UBIAD1: variants seen among roughly 807,000 people sequenced by gnomAD.
The protein encoded by UBIAD1 is ubiA prenyltransferase domain-containing protein 1.
UBIAD1 carries 12 observed loss-of-function variants against 20.1 expected under a neutral mutation model. The ratio of observed to expected loss-of-function variants is 0.60; its 90% CI spans 0.38 to 0.97. UBIAD1 has a LOEUF of 0.97. Ranked by LOEUF, UBIAD1 falls within the 50% of genes least tolerant of loss-of-function variation. The pLI is 0.00. For synonymous variants in UBIAD1, 207 were observed against 189.2 expected (o/e 1.09, Z -0.77); for missense variants, 333 against 419.5 (o/e 0.79, Z 1.80).
At chr1:11,295,211 A>G (rs572332619), downstream of UBIAD1, 29 of 401,398 alleles carry the variant, frequency 7.2e-5, no homozygotes, top group South Asian at 9.6e-4. Context: ...TTCCAGGAAG[A>G]GGTGACAATG....
chr1:11,273,551 T>G lies in UBIAD1; in HGVS notation c.20T>G (p.Leu7Arg), dbSNP rs985341654. 4 of 1,612,666 alleles carry G rather than the reference T, an allele frequency of 2.5e-6. No homozygotes were observed. Among genetic ancestry groups the G allele is most frequent in the Non-Finnish European group, 2.5e-6 (3 of 1,180,026 alleles). The change falls in exon 1 of 2, where the codon CTG becomes CGG. Residue 7 changes from leucine (L) to arginine (R), a missense_variant. Physicochemically the swap from Leu to Arg is moderately radical, Grantham distance 102. Coordinates refer to ENST00000376810, the MANE Select transcript of UBIAD1 (RefSeq NM_013319.3). The surrounding 1 kb of genome is among the most constrained non-coding windows in gnomAD (Gnocchi z 4.9). MAASQV[L>R]GEKINILSGE... ...GCTTCCATGGCGGCCTCTCAGGTCCTGGGGGAGAAGATTAACATCCTGTCG... is the reference window on the plus strand; with the variant it reads ...GCTTCCATGGCGGCCTCTCAGGTCCGGGGGGAGAAGATTAACATCCTGTCG...
Position 11,283,270 on chromosome 1 carries a change from G to A in UBIAD1, c.530-2374G>A, listed in dbSNP as rs141851165. Among the ~76,000 whole-genome samples the A allele has an allele frequency of 3.1e-3, 468 of 152,314 alleles. 3 individuals carry two copies. Among genetic ancestry groups the A allele is most frequent in the African/African-American group, 0.01 (428 of 41,568 alleles). ...TTTCTTTCACAGCCAGACCAGTGGC[G>A]TCACTTGGGGAGCTGAGAAAACAAG... On this transcript the variant is annotated intron_variant, in intron 1 of 1. Transcript: ENST00000376810.
chr1:11,280,069 C>G (rs762131645), intron 1 of UBIAD1, among the ~76,000 whole-genome samples: 1 of 152,128 alleles, frequency 6.6e-6, no homozygotes, highest in African/African-American at 2.4e-5. Context: ...ATAGAAAGTA[C>G]AAGGTGGTGG....
chr1:11,274,931 ATTTT>A (rs139319809), intron 1 of UBIAD1, among the ~76,000 whole-genome samples: 1 of 146,840 alleles, frequency 6.8e-6, no homozygotes, highest in African/African-American at 2.5e-5. Context: ...TTTCTGTCTC[ATTTT>A]TTTTTTTAAT....
downstream of UBIAD1, chr1:11,292,087 T>G (rs1638375993): frequency 6.6e-6 from 1 of 152,062 alleles, no homozygotes; most frequent in Non-Finnish European, 1.5e-5. Context: ...CGCTGCAACC[T>G]CTGCCTCCAG....
At chr1:11,291,377 G>A (rs1241840266), downstream of UBIAD1, among the ~76,000 whole-genome samples, 1 of 152,138 alleles carries the variant, frequency 6.6e-6, no homozygotes, top group African/African-American at 2.4e-5. Flanking sequence ...GGAGGTCAAG[G>A]TGGGTGGATC....
intron 1 of UBIAD1, 55 bp downstream of exon 1, chr1:11,274,115 C>T: frequency 6.2e-7 from 1 of 1,605,516 alleles, no homozygotes; most frequent in Non-Finnish European, 8.5e-7. Context: ...CACTGGAAAC[C>T]GCTGCTTTGT....
chr1:11,281,736 C>A (rs949216151), intron 1 of UBIAD1, among the ~76,000 whole-genome samples: 1 of 152,190 alleles, frequency 6.6e-6, no homozygotes, highest in Non-Finnish European at 1.5e-5. Context: ...CTCCCTGCCC[C>A]CATCCAGAGA....
In UBIAD1 at chr1:11,286,377, G is replaced by A. The variant is rs970185482; in HGVS notation, c.*246G>A. ...AAGGTGAATTAGGCGCATGGTCTTT[G>A]TTTTATTAATAATTTCCACTAGAGG... is the stretch of plus-strand genomic sequence containing the variant. On this transcript the variant is annotated 3_prime_UTR_variant, in exon 2 of 2. Transcript: ENST00000376810. The A allele has an allele frequency of 3.6e-6, 2 of 551,612 alleles. No individual in the cohort carries two copies. The highest frequency in any genetic ancestry group is 6.4e-6 in the Non-Finnish European group (2 of 314,768). The allele number at this position is 551,612 out of a possible 1,614,324, so 34.2% of individuals were successfully genotyped here.
chr1:11,282,166 CTG>C (rs1449704827), intron 1 of UBIAD1, among the ~76,000 whole-genome samples: 3 of 152,302 alleles, frequency 2.0e-5, no homozygotes, highest in African/African-American at 7.2e-5. Context: ...AACTGCCAAA[CTG>C]TTTTCTGAAG....
downstream of UBIAD1, among the ~76,000 whole-genome samples, chr1:11,298,173 GTC>G (rs1375354011): frequency 6.6e-6 from 1 of 151,954 alleles, no homozygotes; most frequent in East Asian, 2.0e-4. This position sits in a 1 kb window ranked among gnomAD's most constrained non-coding sequence, Gnocchi z 4.0. Context: ...GGTCAGGCTG[GTC>G]TCAAACTCCT....
intron 1 of UBIAD1, among the ~76,000 whole-genome samples, chr1:11,279,610 T>A (rs1473607067): frequency 1.3e-5 from 2 of 152,142 alleles, no homozygotes. Flanking sequence ...GAGACGGTGT[T>A]TCACCATGTT....
intron 1 of UBIAD1, among the ~76,000 whole-genome samples, chr1:11,274,457 C>A (rs1557514578): frequency 6.6e-6 from 1 of 151,958 alleles, no homozygotes; most frequent in Non-Finnish European, 1.5e-5. Context: ...CGCCACCACG[C>A]CTGGCTGATT....
chr1:11,280,777 G>A (rs1307185375), intron 1 of UBIAD1, among the ~76,000 whole-genome samples: 1 of 152,120 alleles, frequency 6.6e-6, no homozygotes, highest in Non-Finnish European at 1.5e-5. Context: ...TCTGTCCCTG[G>A]ATTTTTGCGG....
At chr1:11,291,732 T>C (rs1271821862), downstream of UBIAD1, among the ~76,000 whole-genome samples, 5 of 152,112 alleles carry the variant, frequency 3.3e-5, no homozygotes, top group Non-Finnish European at 7.4e-5. Context: ...GAGATTTCCA[T>C]TTCTCAGTGT....
At chr1:11,275,436 G>C (rs751212637) in intron 1 of UBIAD1, among the ~76,000 whole-genome samples, 1 of 152,106 alleles carries the variant, frequency 6.6e-6, no homozygotes. Flanking sequence ...ATCAGGGTAG[G>C]CTTCATCAAA....
chr1:11,278,748 G>C (rs138930834), intron 1 of UBIAD1: 2 of 629,546 alleles, frequency 3.2e-6, no homozygotes, highest in African/African-American at 1.9e-5. Flanking sequence ...GGTGTGCTGC[G>C]GTCATCCACC....
In UBIAD1 at chr1:11,286,223, G is replaced by A. The variant is rs954866766; in HGVS notation, c.*92G>A. The A allele has an allele frequency of 3.6e-5, 56 of 1,563,680 alleles. No homozygotes were observed. In the African/African-American group the frequency reaches 6.6e-4, roughly 19 times the overall value. ...AGGAAGGAATGTGATTTGGCAGTCA[G>A]GGTACTAAGCATGGGTGGGAACTCC... On this transcript the variant is annotated 3_prime_UTR_variant, in exon 2 of 2. Transcript: ENST00000376810.
chr1:11,296,339 C>T (rs543309735), downstream of UBIAD1, among the ~76,000 whole-genome samples: 310 of 152,284 alleles, frequency 2.0e-3, 2 homozygotes, highest in African/African-American at 6.9e-3. Context: ...CTCGATCACT[C>T]ACCCCCGGGA....
Sources: allele counts gnomAD v4.1 joint callset (sites outside exome capture counted in the v4.1 genomes callset), GRCh38; gene constraint gnomAD v4.1.1; non-coding constraint Gnocchi (gnomAD v3.1); transcripts MANE v1.5; gene names NCBI Gene and HGNC (gene_info 2026-07-23, HGNC 2026-07-21).